CUEDC1: variants seen among roughly 807,000 people sequenced by gnomAD.
CUEDC1 encodes the protein CUE domain containing 1, also known as CUE domain-containing protein 1.
A neutral mutation model predicts 43.7 loss-of-function variants in CUEDC1; 30 were observed. The observed-to-expected ratio is 0.69, with a 90% CI of 0.51 to 0.93. The LOEUF is 0.93. Ranked by LOEUF, CUEDC1 falls within the 40% of genes least tolerant of loss-of-function variation. The probability of loss-of-function intolerance (pLI) is 0.00; values close to 1 mark genes in which losing one functional copy is unlikely to be tolerated. For synonymous variants in CUEDC1, 223 were observed against 223.6 expected, an observed-to-expected ratio of 1.00 and a Z score of 0.02; for missense variants, 486 against 549.0, an observed-to-expected ratio of 0.89 and a Z score of 1.15.
chr17:57,874,381 G>A (rs371989919), intron 3 of CUEDC1, among the ~76,000 whole-genome samples: 12 of 152,306 alleles, frequency 7.9e-5, no homozygotes, highest in African/African-American at 2.9e-4. Context: ...GCAATGTTCT[G>A]AAAACGTGCG....
intron 6 of CUEDC1, among the ~76,000 whole-genome samples, chr17:57,870,730 G>A (rs1174414398): frequency 6.6e-6 from 1 of 151,126 alleles, no homozygotes; most frequent in African/African-American, 2.4e-5. Context: ...AAGCTGGAGT[G>A]CAGTGGCATA....
At position 57,884,996 on chromosome 17, in the gene CUEDC1, C is replaced by G. The variant is rs2074267186; in HGVS notation, c.336+233G>C. Among the ~76,000 whole-genome samples the G allele has an allele frequency of 2.0e-5, 3 of 152,242 alleles. No homozygotes were observed. In the South Asian group the frequency reaches 6.2e-4, roughly 32 times the overall value. On this transcript the variant is annotated intron_variant, in intron 2 of 10. Coordinates refer to ENST00000577830, the MANE Select transcript of CUEDC1 (RefSeq NM_001271875.2). ...CGTCTCGCACACCACTGAGTGGGCG[C>G]TCAGTGTTTGTTGAATGACTGCATG...
At chr17:57,936,699 C>G (rs1284290050) in intron 1 of CUEDC1, among the ~76,000 whole-genome samples, 1 of 152,092 alleles carries the variant, frequency 6.6e-6, no homozygotes, top group Non-Finnish European at 1.5e-5. Context: ...AGGCTCAGAT[C>G]CACCTCTGTC....
intron 7 of CUEDC1, 52 bp from the exon 8 acceptor site, chr17:57,868,295 T>G: frequency 6.6e-7 from 1 of 1,525,130 alleles, no homozygotes; most frequent in Non-Finnish European, 9.1e-7. Flanking sequence ...GCACACCAGA[T>G]GGCCTCCTCC....
intron 1 of CUEDC1, among the ~76,000 whole-genome samples, chr17:57,933,206 G>C (rs1055408706): frequency 1.2e-4 from 18 of 152,280 alleles, no homozygotes; most frequent in African/African-American, 3.4e-4. Context: ...GGCAGCAAGG[G>C]GGGAGAACCA....
At chr17:57,874,922 G>C (rs2144935743) in intron 3 of CUEDC1, among the ~76,000 whole-genome samples, 1 of 152,304 alleles carries the variant, frequency 6.6e-6, no homozygotes, top group African/African-American at 2.4e-5. Flanking sequence ...CTAAGTGCCT[G>C]GTGGGAGCTC....
intron 3 of CUEDC1, among the ~76,000 whole-genome samples, chr17:57,877,295 T>A (rs867027675): frequency 6.6e-6 from 1 of 151,606 alleles, no homozygotes; most frequent in Middle Eastern, 3.2e-3. Context: ...CCAGCCAGAG[T>A]AGGGAGGGAG....
At chr17:57,867,438 C>G in intron 8 of CUEDC1, 23 bp from the exon 9 acceptor site, 1 of 1,550,968 alleles carries the variant, frequency 6.4e-7, no homozygotes, top group Non-Finnish European at 8.7e-7. Flanking sequence ...TCAGGAAAAC[C>G]GTCCCAGGGA....
rs552317546 is a variant in CUEDC1 at position 57,902,205 on chromosome 17, C to A, written c.-315-16326G>T. Among the ~76,000 whole-genome samples, 22 of 148,900 alleles carry A rather than the reference C, an allele frequency of 1.5e-4. No homozygotes were observed. In the East Asian group the frequency reaches 3.3e-3, roughly 22 times the overall value. ...AGACTCCACCTCAGAAAAAAAAAAA[C>A]AAAAAACAAAAAACAAAAAAAACCA... On this transcript the variant is annotated intron_variant, in intron 1 of 10. Transcript: ENST00000577830.
At position 57,898,404 on chromosome 17, in the gene CUEDC1, G is replaced by A. The variant is rs574911156; in HGVS notation, c.-315-12525C>T. 9.2e-5 allele frequency among the ~76,000 whole-genome samples: 14 copies of A among 152,292 alleles called. 1 individual carries two copies. The highest frequency in any genetic ancestry group is 3.4e-3 in the Middle Eastern group (1 of 294). On this transcript the variant is annotated intron_variant, in intron 1 of 10. Transcript: ENST00000577830. ...TGTCTGGGGTAGGAAGCCATGGAGCGAGTGGTCAGGAGTGGGGCTTTAGCC... is the reference window on the plus strand; with the variant it reads ...TGTCTGGGGTAGGAAGCCATGGAGCAAGTGGTCAGGAGTGGGGCTTTAGCC...
chr17:57,939,834 G>A (rs575425205), intron 1 of CUEDC1, among the ~76,000 whole-genome samples: 1 of 152,262 alleles, frequency 6.6e-6, no homozygotes, highest in Non-Finnish European at 1.5e-5. Flanking sequence ...TTTGGGAGCT[G>A]AGGGGCCATA....
Position 57,880,615 on chromosome 17 carries a change from C to A in CUEDC1, c.337-877G>T, listed in dbSNP as rs185979102. On this transcript the variant is annotated intron_variant, in intron 2 of 10. Transcript: ENST00000577830. ...CCTGCTCCACTGACCGACTTAGATTCTTCCCCAGAAGCCCAGAGAGGAGTT... is the reference window on the plus strand; with the variant it reads ...CCTGCTCCACTGACCGACTTAGATTATTCCCCAGAAGCCCAGAGAGGAGTT... Among the ~76,000 whole-genome samples, 11 of 152,316 alleles carry A rather than the reference C, an allele frequency of 7.2e-5. 1 individual carries two copies. The East Asian group carries it at 1.4e-3, about 19-fold the overall frequency.
At chr17:57,868,981 A>G (rs1597967996) in intron 7 of CUEDC1, 141 bp downstream of exon 7, 1 of 793,542 alleles carries the variant, frequency 1.3e-6, no homozygotes, top group South Asian at 1.7e-5. Flanking sequence ...AGGCTGAGGG[A>G]GCCAGCCTGC....
chr17:57,893,326 C>G (rs1432510606), intron 1 of CUEDC1, among the ~76,000 whole-genome samples: 1 of 123,950 alleles, frequency 8.1e-6, no homozygotes, highest in African/African-American at 2.7e-5. Context: ...AAGAGGAGAG[C>G]AAGAGACAGA....
intron 1 of CUEDC1, among the ~76,000 whole-genome samples, chr17:57,904,097 C>A (rs11867763): frequency 1.3e-5 from 2 of 152,064 alleles, no homozygotes; most frequent in African/African-American, 4.8e-5. Flanking sequence ...GGGAGCCCTG[C>A]GTCTGGGAGA....
intron 5 of CUEDC1, 36 bp downstream of exon 5, chr17:57,872,627 T>C: frequency 1.2e-6 from 2 of 1,610,188 alleles, no homozygotes; most frequent in Non-Finnish European, 1.7e-6. Context: ...ACCTCCCTTC[T>C]TCAGCCAGGG....
chr17:57,945,092 T>C (rs2143225292), intron 1 of CUEDC1, among the ~76,000 whole-genome samples: 1 of 152,336 alleles, frequency 6.6e-6, no homozygotes, highest in East Asian at 1.9e-4. Context: ...TGTGTAGGCA[T>C]GGCCTAAGAC....
chr17:57,884,713 G>T (rs2074263795), intron 2 of CUEDC1, among the ~76,000 whole-genome samples: 2 of 152,130 alleles, frequency 1.3e-5, no homozygotes, highest in South Asian at 4.1e-4. Flanking sequence ...CTTAGCCATC[G>T]CTTCCTCTGG....
In CUEDC1 at chr17:57,955,171, G is replaced by A. The variant is rs1300403937; in HGVS notation, c.-316+54C>T. The A allele has an allele frequency of 6.9e-6, 1 of 145,670 alleles. No individual in the cohort carries two copies. Among genetic ancestry groups the A allele is most frequent in the Non-Finnish European group, 1.5e-5 (1 of 65,536 alleles). 9.0% of individuals were successfully genotyped at this position (145,670 alleles called of 1,614,324 possible). A position where few individuals can be genotyped will look rare whatever the true frequency, so the allele number is the denominator to read the frequency against. On this transcript the variant is annotated intron_variant, in intron 1 of 10. Coordinates refer to ENST00000577830, the MANE Select transcript of CUEDC1 (RefSeq NM_001271875.2). This position sits in a 1 kb window ranked among gnomAD's most constrained non-coding sequence, Gnocchi z 5.3. ...CGGCCGGGATTGCGCGCGGGGCGCC[G>A]GCGAGGACCGCGCCCGGGGCCGGGC...
Sources: allele counts gnomAD v4.1 joint callset (sites outside exome capture counted in the v4.1 genomes callset), GRCh38; gene constraint gnomAD v4.1.1; non-coding constraint Gnocchi (gnomAD v3.1); transcripts MANE v1.5; gene names NCBI Gene and HGNC (gene_info 2026-07-23, HGNC 2026-07-21).